The following CYP2E1 variants were observed in gnomAD, a reference collection of about 807,000 sequenced individuals.
The protein encoded by CYP2E1 is cytochrome P450 2E1.
CYP2E1 carries 31 observed loss-of-function variants against 42.9 expected under a neutral mutation model. The ratio of observed to expected loss-of-function variants is 0.72; its 90% CI spans 0.54 to 0.98. The LOEUF is 0.98. CYP2E1 is among the 50% of genes least tolerant of loss of function. The probability of loss-of-function intolerance (pLI) is 0.00; values close to 1 mark genes in which losing one functional copy is unlikely to be tolerated. For synonymous variants in CYP2E1, 244 were observed against 248.9 expected (o/e 0.98, Z 0.19); for missense variants, 565 against 633.2 (o/e 0.89, Z 1.16).
chr10:133,537,352 G>T (rs1198176087), intron 7 of CYP2E1, 102 bp downstream of exon 7: 4 of 1,247,016 alleles, frequency 3.2e-6, no homozygotes, highest in Non-Finnish European at 4.5e-6. Flanking sequence ...CTTCCCTTTG[G>T]CAGGGGTCAC....
chr10:133,528,338 C>T (rs959000297), intron 1 of CYP2E1, 143 bp from the exon 2 acceptor site: 3 of 973,404 alleles, frequency 3.1e-6, no homozygotes, highest in Non-Finnish European at 4.5e-6. Context: ...TCCCCCACCT[C>T]GGGCTGGACA....
rs201167793 is a variant in CYP2E1, at chr10:133,532,129, C to G, written c.493C>G (p.Pro165Ala). 6.2e-5 allele frequency: 100 copies of G among 1,612,892 alleles called. 1 individual carries two copies. Among genetic ancestry groups the G allele is most frequent in the Non-Finnish European group, 7.7e-5 (91 of 1,179,364 alleles). ...LEALRKTQGQPFDPTFLIGCA... is the reference protein window; with the variant it reads ...LEALRKTQGQAFDPTFLIGCA... Reference sequence around the variant, plus strand: ...CCTGACTGCCTGTTTTGTAGGCCAGCCTTTCGACCCCACCTTCCTCATCGG... The same window carrying G: ...CCTGACTGCCTGTTTTGTAGGCCAGGCTTTCGACCCCACCTTCCTCATCGG... The change falls in exon 4 of 9, where the codon CCT becomes GCT. Residue 165 changes from proline (P) to alanine (A), a missense_variant. Physicochemically the swap from Pro to Ala is conservative, Grantham distance 27 (BLOSUM62 -1). Transcript: ENST00000252945.
rs56864127 is a variant in CYP2E1 at position 133,531,624 on chromosome 10, G to T, written c.377G>T (p.Arg126Leu). ...FNNGPTWKDI[R>L]RFSLTTLRNY... ...AATGGACCTACCTGGAAGGACATCC[G>T]GCGGTTTTCCCTGACCACCCTCCGG... The change falls in exon 3 of 9, where the codon CGG (arginine) becomes CTG (leucine). Residue 126 changes from arginine to leucine, a missense_variant. Arg to Leu is a moderately radical substitution (Grantham distance 102). Transcript: ENST00000252945. 6.2e-7 allele frequency: 1 copy of T among 1,614,062 alleles called. No individual in the cohort carries two copies. Among genetic ancestry groups the T allele is most frequent in the Non-Finnish European group, 8.5e-7 (1 of 1,180,006 alleles).
intron 5 of CYP2E1, among the ~76,000 whole-genome samples, chr10:133,533,534 G>A (rs1395876417): frequency 6.6e-6 from 1 of 152,186 alleles, no homozygotes; most frequent in Admixed American, 6.5e-5. Context: ...GCTGTGGAGG[G>A]AGACAGAGCC....
chr10:133,537,718 A>G, intron 7 of CYP2E1, 33 bp from the exon 8 acceptor site: 1 of 1,593,062 alleles, frequency 6.3e-7, no homozygotes, highest in Non-Finnish European at 8.5e-7. Context: ...TTTTGTTAAC[A>G]TGACTCACTG....
At chr10:133,533,255 G>A (rs112461692) in intron 5 of CYP2E1, among the ~76,000 whole-genome samples, 1 of 152,208 alleles carries the variant, frequency 6.6e-6, no homozygotes, top group Non-Finnish European at 1.5e-5. Context: ...ACCTGCAGGT[G>A]CTCAGGATCC....
intron 7 of CYP2E1, 150 bp from the exon 8 acceptor site, chr10:133,537,601 A>G (rs911478075): frequency 3.6e-5 from 25 of 685,086 alleles, no homozygotes; most frequent in African/African-American, 7.1e-5. Context: ...ACTGCTTTCT[A>G]TCTAATCCTT....
At chr10:133,534,003 C>T in intron 6 of CYP2E1, 106 bp downstream of exon 6, 1 of 1,256,842 alleles carries the variant, frequency 8.0e-7, no homozygotes, top group Non-Finnish European at 1.1e-6. Flanking sequence ...GCTTGTTAAC[C>T]CTCATGGTGA....
At chr10:133,536,744 G>GATAA (rs1317078994) in intron 6 of CYP2E1, among the ~76,000 whole-genome samples, 3 of 25,788 alleles carry the variant, frequency 1.2e-4, no homozygotes, top group Non-Finnish European at 8.8e-4. Context: ...TGGATGGGTG[G>GATAA]GTGGGTGGAT....
In CYP2E1 at chr10:133,532,160, C is replaced by T. The variant is rs548262477; in HGVS notation, c.524C>T (p.Ala175Val). Residue 175 changes from alanine (A) to valine (V), a missense_variant, in exon 4 of 9, where the codon GCG becomes GTG. Physicochemically the swap from Ala to Val is moderately conservative, Grantham distance 64 (BLOSUM62 0). Coordinates refer to ENST00000252945, the MANE Select transcript of CYP2E1 (RefSeq NM_000773.4). ...GACCCCACCTTCCTCATCGGCTGCG[C>T]GCCCTGCAACGTCATAGCCGACATC... ...PFDPTFLIGC[A>V]PCNVIADILF... 4.8e-5 allele frequency: 77 copies of T among 1,613,908 alleles called. 1 individual carries two copies. Among genetic ancestry groups the T allele is most frequent in the Non-Finnish European group, 6.4e-5 (75 of 1,179,968 alleles).
intron 2 of CYP2E1, among the ~76,000 whole-genome samples, chr10:133,530,679 C>T (rs41299420): frequency 0.054 from 8,284 of 152,022 alleles, 553 homozygotes; most frequent in African/African-American, 0.16. Context: ...GGCAGGATGT[C>T]TTATATGCAG....
At position 133,537,536 on chromosome 10, in the gene CYP2E1, G is replaced by T. The variant is rs1589957166; in HGVS notation, c.1156-215G>T. ...GAACAAACTATCACAACCAGCCCTG[G>T]GGTTAATCCTGTGAGAAGATTAGGG... On this transcript the variant is annotated intron_variant, in intron 7 of 8. Coordinates refer to ENST00000252945, the MANE Select transcript of CYP2E1 (RefSeq NM_000773.4). The T allele has an allele frequency of 2.7e-5, 16 of 599,588 alleles. No homozygotes were observed. The East Asian group carries it at 4.5e-4, about 17-fold the overall frequency. The allele number at this position is 599,588 out of a possible 1,614,324, so 37.1% of individuals were successfully genotyped here.
At chr10:133,536,597 A>C (rs1469666432) in intron 6 of CYP2E1, among the ~76,000 whole-genome samples, 2 of 3,528 alleles carry the variant, frequency 5.7e-4, no homozygotes, top group Non-Finnish European at 1.1e-3. Flanking sequence ...GGATGGCTGG[A>C]TGGATGGGTG....
At chr10:133,534,841 C>A (rs1018176238) in intron 6 of CYP2E1, among the ~76,000 whole-genome samples, 2 of 149,376 alleles carry the variant, frequency 1.3e-5, no homozygotes, top group African/African-American at 4.9e-5. Flanking sequence ...CTTGTTCTTT[C>A]CTTCTTCTTC....
At position 133,532,152 on chromosome 10, in the gene CYP2E1, C is replaced by T. The variant is rs139133362; in HGVS notation, c.516C>T (p.Ile172=). The change falls in exon 4 of 9, where the codon ATC becomes ATT. Residue 172 remains isoleucine, a synonymous_variant. Coordinates refer to ENST00000252945, the MANE Select transcript of CYP2E1 (RefSeq NM_000773.4). ...QGQPFDPTFL[I]GCAPCNVIAD... is the part of the protein sequence containing the mutation. ...AGCCTTTCGACCCCACCTTCCTCAT[C>T]GGCTGCGCGCCCTGCAACGTCATAG... 1.5e-3 allele frequency: 2,419 copies of T among 1,613,884 alleles called. 33 individuals carry two copies. The highest frequency in any genetic ancestry group is 2.5e-4 in the Non-Finnish European group (295 of 1,179,942).
intron 3 of CYP2E1, 34 bp downstream of exon 3, chr10:133,531,768 C>T (rs1232037468): frequency 6.5e-7 from 1 of 1,550,252 alleles, no homozygotes; most frequent in Non-Finnish European, 8.7e-7. Flanking sequence ...GCCCAGTCCT[C>T]TTGCAGACCA....
intron 8 of CYP2E1, 63 bp downstream of exon 8, chr10:133,537,955 C>T: frequency 1.3e-6 from 2 of 1,533,732 alleles, no homozygotes; most frequent in Non-Finnish European, 1.8e-6. Flanking sequence ...ATCTCCCCTC[C>T]ACATGTGCTC....
chr10:133,527,672 C>T, intron 1 of CYP2E1, 100 bp downstream of exon 1: 1 of 969,758 alleles, frequency 1.0e-6, no homozygotes, highest in Non-Finnish European at 1.6e-6. Context: ...TTGTTCAATA[C>T]CAGCCTGTTG....
Position 133,533,648 on chromosome 10 carries a change from C to A in CYP2E1, c.826-108C>A, listed in dbSNP as rs1851364548. On this transcript the variant is annotated intron_variant, in intron 5 of 8. Coordinates refer to ENST00000252945, the MANE Select transcript of CYP2E1 (RefSeq NM_000773.4). ...CCAAGTCACAGTTCCACTGGGAGAG[C>A]CTCTTGGACACTGTCTCCTGTGTCC... The A allele has an allele frequency of 3.2e-6, 4 of 1,251,342 alleles. No homozygotes were observed. In the African/African-American group the frequency reaches 4.5e-5, roughly 14 times the overall value. The allele number at this position is 1,251,342 out of a possible 1,614,324, so 77.5% of individuals were successfully genotyped here.
Sources: gnomAD v4.1 joint callset for allele counts (sites outside exome capture counted in the v4.1 genomes callset) on GRCh38, gnomAD v4.1.1 for gene constraint, MANE v1.5 for transcripts, NCBI Gene and HGNC (gene_info 2026-07-23, HGNC 2026-07-21) for gene names.